MARK2: variants seen among roughly 807,000 people sequenced by gnomAD.
MARK2 encodes microtubule affinity regulating kinase 2.
Under a neutral mutation model 89.8 loss-of-function variants are expected in MARK2, and 16 were observed. The ratio of observed to expected loss-of-function variants is 0.18; its 90% confidence interval spans 0.12 to 0.27. The LOEUF is 0.27. Ranked by LOEUF, MARK2 falls within the 10% of genes least tolerant of loss-of-function variation. The probability of loss-of-function intolerance (pLI) is 1.00; values close to 1 mark genes in which losing one functional copy is unlikely to be tolerated. For missense variants in MARK2, 621 were observed against 1,049.9 expected, an observed-to-expected ratio of 0.59 and a Z score of 5.65; for synonymous variants, 382 against 399.5, an observed-to-expected ratio of 0.96 and a Z score of 0.52.
intron 1 of MARK2, among the ~76,000 whole-genome samples, chr11:63,885,028 T>G (rs193167081): frequency 6.6e-6 from 1 of 151,654 alleles, no homozygotes; most frequent in African/African-American, 2.4e-5. Flanking sequence ...CATGGAGAAA[T>G]CCTGTCTGTA....
chr11:63,878,268 C>T (rs1003427785), intron 1 of MARK2, among the ~76,000 whole-genome samples: 5 of 151,910 alleles, frequency 3.3e-5, no homozygotes, highest in Admixed American at 1.3e-4. Flanking sequence ...CCTCATTCCT[C>T]ATCTCCATTT....
At chr11:63,901,826 C>T (rs562455585) in intron 11 of MARK2, among the ~76,000 whole-genome samples, 3 of 152,178 alleles carry the variant, frequency 2.0e-5, no homozygotes, top group African/African-American at 7.2e-5. Flanking sequence ...AACTCCCAGC[C>T]TCCCTGCCCT....
chr11:63,904,239 G>C lies in MARK2; in HGVS notation c.1676+92G>C. ...TTTCTTCTTCCCACTTGGGGGTCCT[G>C]CTGTGTTCTTGTCATCTTAGCCACA... On this transcript the variant is annotated intron_variant, in intron 15 of 18. Coordinates refer to ENST00000402010, the MANE Select transcript of MARK2 (RefSeq NM_001039469.3). This position sits in a 1 kb window ranked among gnomAD's most constrained non-coding sequence, Gnocchi z 6.3. 8.4e-7 allele frequency: 1 copy of C among 1,186,142 alleles called. No individual in the cohort carries two copies. The highest frequency in any genetic ancestry group is 2.7e-5 in the East Asian group (1 of 37,484). The allele number at this position is 1,186,142 out of a possible 1,614,324, so 73.5% of individuals were successfully genotyped here. A position where few individuals can be genotyped will look rare whatever the true frequency, so the allele number is the denominator to read the frequency against.
At chr11:63,870,850 G>C (rs1336793077) in intron 1 of MARK2, among the ~76,000 whole-genome samples, 1 of 152,210 alleles carries the variant, frequency 6.6e-6, no homozygotes, top group Non-Finnish European at 1.5e-5. Flanking sequence ...CCAGGCAGTG[G>C]AAAGCTGTGG....
chr11:63,842,217 CT>C (rs563980317), intron 1 of MARK2, among the ~76,000 whole-genome samples: 6,871 of 132,942 alleles, frequency 0.052, 430 homozygotes, highest in African/African-American at 0.17. Flanking sequence ...TTCCTGTATT[CT>C]TTTTTTTTTT....
intron 1 of MARK2, among the ~76,000 whole-genome samples, chr11:63,860,877 A>G (rs981406219): frequency 3.9e-5 from 6 of 152,016 alleles, no homozygotes; most frequent in Non-Finnish European, 8.8e-5. Context: ...AAAAAACAAA[A>G]ACAAAAACTC....
At chr11:63,884,800 G>A (rs1939296672) in intron 1 of MARK2, among the ~76,000 whole-genome samples, 1 of 152,172 alleles carries the variant, frequency 6.6e-6, no homozygotes, top group African/African-American at 2.4e-5. Flanking sequence ...AGTTGCTCAT[G>A]GCAGTTGATA....
At chr11:63,867,733 C>T (rs1449227467) in intron 1 of MARK2, among the ~76,000 whole-genome samples, 3 of 152,212 alleles carry the variant, frequency 2.0e-5, no homozygotes, top group Non-Finnish European at 4.4e-5. Flanking sequence ...CTCATTCCAG[C>T]ACTGCCTAAC....
chr11:63,875,041 C>G (rs1039807446), intron 1 of MARK2, among the ~76,000 whole-genome samples: 5 of 152,098 alleles, frequency 3.3e-5, no homozygotes, highest in African/African-American at 1.2e-4. Context: ...GCCTCAACTT[C>G]CTTAGCTCAA....
At chr11:63,840,609 T>G (rs987891492) in intron 1 of MARK2, among the ~76,000 whole-genome samples, 16 of 152,214 alleles carry the variant, frequency 1.1e-4, no homozygotes, top group African/African-American at 3.9e-4. Flanking sequence ...AGTATTTTCT[T>G]TCTTGCTTGT....
At chr11:63,869,064 G>C (rs968541757) in intron 1 of MARK2, among the ~76,000 whole-genome samples, 1 of 152,070 alleles carries the variant, frequency 6.6e-6, no homozygotes, top group Non-Finnish European at 1.5e-5. Flanking sequence ...CCTTGATTCT[G>C]GTCTTTGTGA....
chr11:63,883,748 G>T (rs1476571704), intron 1 of MARK2, among the ~76,000 whole-genome samples: 1 of 151,882 alleles, frequency 6.6e-6, no homozygotes, highest in Non-Finnish European at 1.5e-5. Flanking sequence ...CCACACCCCG[G>T]CTAATTTTTG....
In MARK2 at chr11:63,839,934, G is replaced by T. The variant is rs1353235615; in HGVS notation, c.54+374G>T. ...CGCTCCTCGAATAGCAGCACCCCGC[G>T]ATTTGCCACAGATCGTTGTCCACCT... is the stretch of plus-strand genomic sequence containing the variant. On this transcript the variant is annotated intron_variant, in intron 1 of 18. Transcript: ENST00000402010. 2.0e-5 allele frequency among the ~76,000 whole-genome samples: 3 copies of T among 152,144 alleles called. No homozygotes were observed. The East Asian group carries it at 5.8e-4, about 29-fold the overall frequency.
chr11:63,854,529 A>G (rs2016745099), intron 1 of MARK2, among the ~76,000 whole-genome samples: 1 of 151,506 alleles, frequency 6.6e-6, no homozygotes, highest in African/African-American at 2.4e-5. Context: ...TTATTTTATC[A>G]ACCCTTTAAT....
intron 1 of MARK2, chr11:63,888,786 G>C (rs1939576324): frequency 8.0e-7 from 1 of 1,254,898 alleles, no homozygotes; most frequent in Non-Finnish European, 1.0e-6. Context: ...TTTCACTGAG[G>C]AGGTGGTGGA....
At position 63,903,724 on chromosome 11, in the gene MARK2, A is replaced by G. The variant is rs576590612; in HGVS notation, c.1515-262A>G. Among the ~76,000 whole-genome samples the G allele has an allele frequency of 6.6e-5, 10 of 152,292 alleles. No individual in the cohort carries two copies. The East Asian group carries it at 1.5e-3, about 24-fold the overall frequency. ...TAGGAGGCCAGTGCAGCCTGGAGGC[A>G]GCGGCCCCTTGTCTGCTCTCCTTCA... On this transcript the variant is annotated intron_variant, in intron 14 of 18. Coordinates refer to ENST00000402010, the MANE Select transcript of MARK2 (RefSeq NM_001039469.3). The surrounding 1 kb of genome is among the most constrained non-coding windows in gnomAD (Gnocchi z 5.1).
rs368733026 is a variant in MARK2 at position 63,842,483 on chromosome 11, G to A, written c.54+2923G>A. ...GGCCTCCCAAAGTGCTGGGATTACA[G>A]GTGTGAGCCACTGCGCCGGGCCTGA... On this transcript the variant is annotated intron_variant, in intron 1 of 18. Transcript: ENST00000402010. 5.9e-5 allele frequency among the ~76,000 whole-genome samples: 9 copies of A among 152,212 alleles called. No homozygotes were observed. In the East Asian group the frequency reaches 1.5e-3, roughly 26 times the overall value.
intron 1 of MARK2, among the ~76,000 whole-genome samples, chr11:63,868,078 TG>T (rs1317341285): frequency 2.6e-5 from 4 of 152,172 alleles, no homozygotes; most frequent in Admixed American, 2.6e-4. Flanking sequence ...GAATTATTTG[TG>T]AAACAAAAAT....
intron 1 of MARK2, among the ~76,000 whole-genome samples, chr11:63,869,775 T>C (rs1303900165): frequency 6.6e-6 from 1 of 152,204 alleles, no homozygotes; most frequent in Non-Finnish European, 1.5e-5. Flanking sequence ...GCCAGACTTT[T>C]AGGCAGGTTG....
Sources: gnomAD v4.1 joint callset for allele counts (sites outside exome capture counted in the v4.1 genomes callset) on GRCh38, gnomAD v4.1.1 for gene constraint, Gnocchi (gnomAD v3.1) non-coding constraint, MANE v1.5 for transcripts, NCBI Gene and HGNC (gene_info 2026-07-23, HGNC 2026-07-21) for gene names.